DAB1: variants seen among roughly 807,000 people sequenced by gnomAD.
DAB1 encodes the protein disabled homolog 1.
DAB1 carries 15 observed loss-of-function variants against 64.6 expected under a neutral mutation model. That is an observed-to-expected ratio of 0.23 (90% confidence interval 0.16 to 0.36). The LOEUF (loss-of-function observed/expected upper bound fraction) is 0.36. DAB1 is among the 10% of genes least tolerant of loss of function. The pLI is 1.00. For synonymous variants in DAB1, 235 were observed against 251.9 expected, an observed-to-expected ratio of 0.93 and a Z score of 0.64; for missense variants, 596 against 706.7, an observed-to-expected ratio of 0.84 and a Z score of 1.78.
chr1:58,107,720 G>T (rs542593417), intron 5 of DAB1, among the ~76,000 whole-genome samples: 1 of 152,108 alleles, frequency 6.6e-6, no homozygotes, highest in South Asian at 2.1e-4. Context: ...GGGTTCAAGT[G>T]ATTCTCCAGC....
intron 2 of DAB1, among the ~76,000 whole-genome samples, chr1:57,226,562 G>T (rs1053526338): frequency 4.0e-5 from 6 of 151,312 alleles, no homozygotes; most frequent in African/African-American, 1.2e-4. Context: ...TGCATCTTCA[G>T]TATTTTCTAT....
chr1:57,538,719 G>A (rs1644760176), intron 7 of DAB1, among the ~76,000 whole-genome samples: 1 of 152,140 alleles, frequency 6.6e-6, no homozygotes, highest in African/African-American at 2.4e-5. Context: ...TTGCTGCCAT[G>A]GATGGCGTTA....
chr1:57,271,893 G>A (rs575018494), intron 2 of DAB1, among the ~76,000 whole-genome samples: 1 of 152,202 alleles, frequency 6.6e-6, no homozygotes, highest in African/African-American at 2.4e-5. Context: ...ATCAGAGCTG[G>A]GCTGAGCTTT....
intron 5 of DAB1, among the ~76,000 whole-genome samples, chr1:57,954,495 G>A (rs192047740): frequency 9.2e-5 from 14 of 152,108 alleles, no homozygotes; most frequent in Non-Finnish European, 1.5e-4. Context: ...AGAAGAAAGC[G>A]AGGCTACGAT....
chr1:57,898,203 C>T (rs1644420662), intron 5 of DAB1, among the ~76,000 whole-genome samples: 2 of 152,136 alleles, frequency 1.3e-5, no homozygotes, highest in South Asian at 4.1e-4. Context: ...ATCACTATCC[C>T]ATTTTACGTA....
intron 2 of DAB1, among the ~76,000 whole-genome samples, chr1:57,205,386 G>A (rs1665453997): frequency 6.6e-6 from 1 of 152,330 alleles, no homozygotes; most frequent in African/African-American, 2.4e-5. Flanking sequence ...TCTACTCTCT[G>A]AGCGTAGCCA....
chr1:58,197,570 T>G (rs899313284), intron 4 of DAB1, among the ~76,000 whole-genome samples: 3 of 151,818 alleles, frequency 2.0e-5, no homozygotes, highest in Admixed American at 6.6e-5. Context: ...TTTTTTTGTG[T>G]TTTTTAGTAG....
At chr1:57,787,727 G>A (rs1008325613) in intron 6 of DAB1, among the ~76,000 whole-genome samples, 2 of 152,090 alleles carry the variant, frequency 1.3e-5, no homozygotes, top group African/African-American at 2.4e-5. Flanking sequence ...ATATTAAATG[G>A]CAAACTACAG....
intron 4 of DAB1, among the ~76,000 whole-genome samples, chr1:58,159,561 C>A (rs1205974822): frequency 1.3e-5 from 2 of 152,114 alleles, no homozygotes; most frequent in Non-Finnish European, 2.9e-5. Flanking sequence ...TAAAATCTCT[C>A]CACGCTGTAC....
chr1:58,341,425 C>T (rs1643932546), intron 4 of DAB1, among the ~76,000 whole-genome samples: 1 of 152,188 alleles, frequency 6.6e-6, no homozygotes, highest in South Asian at 2.1e-4. Flanking sequence ...TCAATCTACT[C>T]TACCACTTAT....
chr1:57,026,696 C>G (rs1646800285), intron 9 of DAB1, among the ~76,000 whole-genome samples: 1 of 152,012 alleles, frequency 6.6e-6, no homozygotes, highest in East Asian at 1.9e-4. Context: ...CATTTAATAC[C>G]AGGAAAGGCA....
chr1:57,522,835 C>T (rs1280853214), intron 7 of DAB1, among the ~76,000 whole-genome samples: 1 of 152,200 alleles, frequency 6.6e-6, no homozygotes, highest in African/African-American at 2.4e-5. Context: ...TGTGAAAGGA[C>T]TAGATTGGCT....
intron 4 of DAB1, among the ~76,000 whole-genome samples, chr1:58,322,401 C>CA (rs932711937): frequency 3.3e-5 from 5 of 151,606 alleles, no homozygotes; most frequent in Non-Finnish European, 7.4e-5. Context: ...AAGAAAAAAA[C>CA]AAAAAACCCC....
chr1:58,413,886 C>G (rs1336055413), intron 3 of DAB1, among the ~76,000 whole-genome samples: 5 of 152,184 alleles, frequency 3.3e-5, no homozygotes, highest in Non-Finnish European at 5.9e-5. Context: ...AGAACTGCAT[C>G]ATTAGGCAAT....
At chr1:58,400,206 T>G (rs1644557714) in intron 3 of DAB1, among the ~76,000 whole-genome samples, 1 of 151,390 alleles carries the variant, frequency 6.6e-6, no homozygotes, top group Non-Finnish European at 1.5e-5. Context: ...CTTTCCATAC[T>G]TCCCAGTCAG....
chr1:57,989,655 TG>T (rs1463054075), intron 5 of DAB1, among the ~76,000 whole-genome samples: 2 of 152,144 alleles, frequency 1.3e-5, no homozygotes, highest in African/African-American at 4.8e-5. Flanking sequence ...ATGTCAAACT[TG>T]GGGCTGCTAA....
intron 3 of DAB1, among the ~76,000 whole-genome samples, chr1:58,427,053 C>A (rs995582417): frequency 7.2e-5 from 11 of 152,082 alleles, no homozygotes; most frequent in African/African-American, 2.7e-4. Context: ...GTGCCAGGAG[C>A]GGTCAAGAAG....
chr1:58,410,628 G>C (rs1447691750), intron 3 of DAB1, among the ~76,000 whole-genome samples: 3 of 152,204 alleles, frequency 2.0e-5, no homozygotes, highest in Non-Finnish European at 2.9e-5. Flanking sequence ...AATAGAAGCA[G>C]GATCTAAACT....
At chr1:57,281,814 A>C (rs919178139) in intron 2 of DAB1, among the ~76,000 whole-genome samples, 4 of 152,140 alleles carry the variant, frequency 2.6e-5, no homozygotes, top group Non-Finnish European at 5.9e-5. Flanking sequence ...CCAGTGGGGA[A>C]GAAGGAATGA....
Sources: gnomAD v4.1 joint callset for allele counts (sites outside exome capture counted in the v4.1 genomes callset) on GRCh38, gnomAD v4.1.1 for gene constraint, MANE v1.5 for transcripts, NCBI Gene and HGNC (gene_info 2026-07-23, HGNC 2026-07-21) for gene names.